The following AKAP19 variants were observed in gnomAD, a reference collection of about 807,000 sequenced individuals.
AKAP19 encodes the protein A-kinase anchoring protein 19, also known as small A-kinase anchoring protein.
the AKAP19 span, among the ~76,000 whole-genome samples, chr2:190,015,517 A>G: frequency 1.3e-5 from 2 of 152,206 alleles, no homozygotes; most frequent in Admixed American, 6.5e-5. Context: ...TGGGCCTGTG[A>G]TAGGAGAGGC....
the AKAP19 span, among the ~76,000 whole-genome samples, chr2:190,108,978 T>C: frequency 6.6e-6 from 1 of 152,182 alleles, no homozygotes; most frequent in East Asian, 1.9e-4. Context: ...GATTACTTCA[T>C]AGATGTTGGT....
chr2:190,158,126 C>G, the AKAP19 span, among the ~76,000 whole-genome samples: 1 of 152,192 alleles, frequency 6.6e-6, no homozygotes, highest in Non-Finnish European at 1.5e-5. Context: ...TGTCACGTAC[C>G]CCTTGCTTGC....
chr2:190,028,714 T>C, the AKAP19 span, among the ~76,000 whole-genome samples: 2 of 152,164 alleles, frequency 1.3e-5, no homozygotes, highest in South Asian at 2.1e-4. Flanking sequence ...TATGTAAATA[T>C]AAAGTAGTGC....
the AKAP19 span, among the ~76,000 whole-genome samples, chr2:190,124,726 T>C: frequency 6.6e-6 from 1 of 152,164 alleles, no homozygotes; most frequent in African/African-American, 2.4e-5. Context: ...GTAACTTTCT[T>C]ACTTTATAAA....
At chr2:190,194,443 G>A in the AKAP19 span, among the ~76,000 whole-genome samples, 1 of 150,794 alleles carries the variant, frequency 6.6e-6, no homozygotes, top group African/African-American at 2.4e-5. Context: ...CAGAAAAATG[G>A]AGCAGGAAGT....
chr2:190,008,767 CACA>C, the AKAP19 span, among the ~76,000 whole-genome samples: 1 of 44,692 alleles, frequency 2.2e-5, no homozygotes, highest in South Asian at 2.1e-3. Flanking sequence ...CACACACACA[CACA>C]CCCACCTGGT....
At chr2:189,896,547 A>T in the AKAP19 span, among the ~76,000 whole-genome samples, 207 of 152,082 alleles carry the variant, frequency 1.4e-3, 1 homozygote, top group African/African-American at 4.5e-3. Context: ...CTTTTTCTGA[A>T]TTTGGTTGAT....
the AKAP19 span, among the ~76,000 whole-genome samples, chr2:190,058,546 C>T: frequency 6.6e-5 from 10 of 151,872 alleles, no homozygotes; most frequent in South Asian, 4.2e-4. Context: ...CTTTTAGACA[C>T]CTGCACACGT....
At chr2:190,175,012 C>CATAG in the AKAP19 span, among the ~76,000 whole-genome samples, 1 of 152,088 alleles carries the variant, frequency 6.6e-6, no homozygotes, top group Non-Finnish European at 1.5e-5. Flanking sequence ...ACATGGAGTA[C>CATAG]ATAGTTCCTA....
the AKAP19 span, among the ~76,000 whole-genome samples, chr2:190,024,205 G>A: frequency 6.6e-6 from 1 of 151,728 alleles, no homozygotes; most frequent in Non-Finnish European, 1.5e-5. Context: ...GTCTTCCTAG[G>A]GATGTGAGTC....
chr2:189,949,112 T>A, the AKAP19 span, among the ~76,000 whole-genome samples: 3 of 152,296 alleles, frequency 2.0e-5, no homozygotes, highest in South Asian at 6.2e-4. Context: ...AATCTTTGCA[T>A]ACTCAAGTCC....
At chr2:189,923,047 A>T in the AKAP19 span, among the ~76,000 whole-genome samples, 1 of 152,152 alleles carries the variant, frequency 6.6e-6, no homozygotes, top group Admixed American at 6.6e-5. Context: ...GCTACTCAGG[A>T]GGCTGAGGCA....
the AKAP19 span, among the ~76,000 whole-genome samples, chr2:189,961,279 G>A: frequency 6.6e-6 from 1 of 152,094 alleles, no homozygotes; most frequent in Non-Finnish European, 1.5e-5. Flanking sequence ...GGTGGAGAGG[G>A]CCAGGAGAAG....
At chr2:189,989,236 G>T in the AKAP19 span, among the ~76,000 whole-genome samples, 1 of 151,712 alleles carries the variant, frequency 6.6e-6, no homozygotes, top group African/African-American at 2.4e-5. Context: ...TAGAAATAGT[G>T]TATCTAGCTT....
the AKAP19 span, among the ~76,000 whole-genome samples, chr2:189,976,117 C>T: frequency 6.6e-6 from 1 of 152,072 alleles, no homozygotes; most frequent in Admixed American, 6.6e-5. Context: ...TTTTATCTAC[C>T]TTTGGTTTTT....
At chr2:190,148,805 A>G in the AKAP19 span, among the ~76,000 whole-genome samples, 1 of 152,182 alleles carries the variant, frequency 6.6e-6, no homozygotes, top group African/African-American at 2.4e-5. Context: ...AGGTGTTCAT[A>G]AAGTAGCCTT....
At chr2:189,938,468 G>A in the AKAP19 span, among the ~76,000 whole-genome samples, 2 of 152,150 alleles carry the variant, frequency 1.3e-5, no homozygotes, top group Non-Finnish European at 2.9e-5. Flanking sequence ...AGTGAAATAA[G>A]CCAGGCACAG....
chr2:189,899,835 T>G, the AKAP19 span, among the ~76,000 whole-genome samples: 2 of 152,126 alleles, frequency 1.3e-5, no homozygotes, highest in Non-Finnish European at 2.9e-5. Flanking sequence ...GTTTTTAGAT[T>G]AATTCATGAA....
chr2:190,063,101 T>C, the AKAP19 span, among the ~76,000 whole-genome samples: 1 of 152,104 alleles, frequency 6.6e-6, no homozygotes, highest in East Asian at 1.9e-4. Flanking sequence ...CCTCAAAAAC[T>C]AAAATGATTT....
Sources: allele counts gnomAD v4.1 joint callset (sites outside exome capture counted in the v4.1 genomes callset), GRCh38; gene constraint gnomAD v4.1.1; transcripts MANE v1.5; gene names NCBI Gene and HGNC (gene_info 2026-07-23, HGNC 2026-07-21).